Variants in GRIP1 observed in about 807,000 individuals in gnomAD.
The protein encoded by GRIP1 is glutamate receptor interacting protein 1, also known as glutamate receptor-interacting protein 1.
A neutral mutation model predicts 129.9 loss-of-function variants in GRIP1; 45 were observed. The observed-to-expected ratio is 0.35, with a 90% confidence interval of 0.27 to 0.44. The LOEUF is 0.44. Ranked by LOEUF, GRIP1 falls within the 20% of genes least tolerant of loss-of-function variation. The probability of loss-of-function intolerance (pLI) is 1.00; values close to 1 mark genes in which losing one functional copy is unlikely to be tolerated. For synonymous variants in GRIP1, 530 were observed against 520.8 expected, an observed-to-expected ratio of 1.02 and a Z score of -0.24; for missense variants, 1,196 against 1,396.8, an observed-to-expected ratio of 0.86 and a Z score of 2.29.
At chr12:66,871,581 A>C (rs999685217) in intron 1 of GRIP1, among the ~76,000 whole-genome samples, 2 of 152,120 alleles carry the variant, frequency 1.3e-5, no homozygotes, top group Non-Finnish European at 2.9e-5. Context: ...AACTCAATAA[A>C]TGTTGGTATC....
intron 1 of GRIP1, among the ~76,000 whole-genome samples, chr12:66,884,655 T>C (rs934043261): frequency 3.9e-5 from 6 of 152,202 alleles, no homozygotes; most frequent in Non-Finnish European, 5.9e-5. Flanking sequence ...GTTGCAAGTT[T>C]CACATAAAGT....
chr12:66,521,785 A>G (rs1281684667), intron 5 of GRIP1, among the ~76,000 whole-genome samples: 1 of 152,326 alleles, frequency 6.6e-6, no homozygotes, highest in African/African-American at 2.4e-5. Flanking sequence ...CACCTGGAAA[A>G]TCGGGTCACT....
intron 7 of GRIP1, among the ~76,000 whole-genome samples, chr12:66,492,088 C>T (rs1365357014): frequency 1.3e-5 from 2 of 151,920 alleles, no homozygotes; most frequent in African/African-American, 2.4e-5. Flanking sequence ...AAGGAACAGT[C>T]AGTCAGGAAG....
intron 16 of GRIP1, among the ~76,000 whole-genome samples, chr12:66,397,110 C>CAAAAAAA (rs71436004): frequency 1.0e-4 from 6 of 60,210 alleles, no homozygotes; most frequent in African/African-American, 2.0e-4. Context: ...GACTCTGTCT[C>CAAAAAAA]AAAAAAAAAA....
intron 1 of GRIP1, among the ~76,000 whole-genome samples, chr12:66,753,577 C>T (rs1280974333): frequency 2.0e-5 from 3 of 152,164 alleles, no homozygotes; most frequent in Non-Finnish European, 4.4e-5. Context: ...TTACCTTAAC[C>T]AATATCTTCA....
At chr12:67,017,825 G>A (rs140626218) in intron 1 of GRIP1, among the ~76,000 whole-genome samples, 2 of 152,294 alleles carry the variant, frequency 1.3e-5, no homozygotes, top group South Asian at 2.1e-4. Context: ...CCCGTTATAT[G>A]AACAGAGAAG....
intron 1 of GRIP1, among the ~76,000 whole-genome samples, chr12:66,884,934 C>T (rs1364301536): frequency 6.6e-6 from 1 of 152,140 alleles, no homozygotes; most frequent in East Asian, 1.9e-4. Flanking sequence ...TTTTGCCCAC[C>T]TTGGACTTCA....
intron 1 of GRIP1, among the ~76,000 whole-genome samples, chr12:66,669,960 C>A (rs1201032541): frequency 6.6e-6 from 1 of 152,116 alleles, no homozygotes; most frequent in Non-Finnish European, 1.5e-5. Flanking sequence ...ATTGTGTTTA[C>A]AAGCTAGTTC....
intron 1 of GRIP1, among the ~76,000 whole-genome samples, chr12:67,034,055 A>T (rs1781496141): frequency 6.6e-6 from 1 of 152,194 alleles, no homozygotes; most frequent in East Asian, 1.9e-4. Flanking sequence ...CCTCTCAGTA[A>T]CACATTCCAA....
chr12:66,764,091 G>A (rs2037553745), intron 1 of GRIP1, among the ~76,000 whole-genome samples: 1 of 152,166 alleles, frequency 6.6e-6, no homozygotes, highest in African/African-American at 2.4e-5. Context: ...CCATGCAGAG[G>A]GGCCATTTGG....
At chr12:66,917,607 G>C (rs1282227218) in intron 1 of GRIP1, among the ~76,000 whole-genome samples, 1 of 152,118 alleles carries the variant, frequency 6.6e-6, no homozygotes, top group Non-Finnish European at 1.5e-5. Flanking sequence ...CAAGTGTAGT[G>C]CTTCATTTTC....
rs184044417 is a variant in GRIP1 at position 66,884,948 on chromosome 12, T to C, written c.58+184102A>G. On this transcript the variant is annotated intron_variant, in intron 1 of 1. Coordinates refer to the GRIP1 transcript ENST00000643019. ...CTTTTGCCCACCTTGGACTTCAAAT[T>C]AGAACTGTTTCTATAAGGACTATGA... Among the ~76,000 whole-genome samples, 171 of 152,294 alleles carry C rather than the reference T, an allele frequency of 1.1e-3. 2 individuals carry two copies. The highest frequency in any genetic ancestry group is 9.6e-3 in the Admixed American group (147 of 15,296).
intron 1 of GRIP1, among the ~76,000 whole-genome samples, chr12:66,996,065 T>C (rs1199713837): frequency 6.6e-6 from 1 of 152,082 alleles, no homozygotes; most frequent in Non-Finnish European, 1.5e-5. Flanking sequence ...ATGAATCCAT[T>C]TATATGACAT....
At chr12:66,933,845 CA>C (rs1403935585) in intron 1 of GRIP1, among the ~76,000 whole-genome samples, 1 of 152,124 alleles carries the variant, frequency 6.6e-6, no homozygotes, top group Non-Finnish European at 1.5e-5. Flanking sequence ...AGCTATAGTC[CA>C]GATCTAAGTA....
chr12:66,850,974 G>C (rs1246816337), intron 1 of GRIP1, among the ~76,000 whole-genome samples: 1 of 148,472 alleles, frequency 6.7e-6, no homozygotes, highest in Non-Finnish European at 1.5e-5. Flanking sequence ...AAGGTATCTA[G>C]TATGATATCT....
intron 2 of GRIP1, among the ~76,000 whole-genome samples, chr12:66,549,636 T>A (rs1354306763): frequency 6.6e-6 from 1 of 152,090 alleles, no homozygotes; most frequent in East Asian, 1.9e-4. Context: ...GCATTTTCAG[T>A]CTCAGTTTTT....
At chr12:66,444,435 G>A (rs1217649351) in intron 13 of GRIP1, 149 bp downstream of exon 13, 15 of 639,798 alleles carry the variant, frequency 2.3e-5, no homozygotes, top group East Asian at 8.9e-5. Context: ...GCAGTGAGCC[G>A]AGATTGCGCC....
At chr12:66,648,768 G>A (rs1362816037) in intron 1 of GRIP1, among the ~76,000 whole-genome samples, 3 of 152,192 alleles carry the variant, frequency 2.0e-5, no homozygotes, top group Non-Finnish European at 4.4e-5. Flanking sequence ...AGACTGTCCA[G>A]TATGCTTCCA....
chr12:66,762,210 T>C (rs2037496847), intron 1 of GRIP1, among the ~76,000 whole-genome samples: 2 of 152,200 alleles, frequency 1.3e-5, no homozygotes, highest in African/African-American at 4.8e-5. Context: ...TTACACTTGC[T>C]CAGTATGAAC....
Sources: gnomAD v4.1 joint callset for allele counts (sites outside exome capture counted in the v4.1 genomes callset) on GRCh38, gnomAD v4.1.1 for gene constraint, MANE v1.5 for transcripts, NCBI Gene and HGNC (gene_info 2026-07-23, HGNC 2026-07-21) for gene names.